Variants in XIRP2 observed in about 807,000 individuals in gnomAD.
XIRP2 encodes the protein xin actin-binding repeat-containing protein 2.
A neutral mutation model predicts 277.0 loss-of-function variants in XIRP2; 236 were observed. The observed-to-expected ratio is 0.85, with a 90% confidence interval of 0.77 to 0.95. The LOEUF is 0.95. XIRP2 is among the 40% of genes least tolerant of loss of function. The pLI is 0.00. For synonymous variants in XIRP2, 1,490 were observed against 1,416.5 expected, an observed-to-expected ratio of 1.05 and a Z score of -1.17; for missense variants, 4,640 against 4,157.5, an observed-to-expected ratio of 1.12 and a Z score of -3.19.
intron 2 of XIRP2, among the ~76,000 whole-genome samples, chr2:166,954,380 G>A (rs995637512): frequency 3.3e-5 from 5 of 151,718 alleles, no homozygotes; most frequent in African/African-American, 7.3e-5. Context: ...ACCATCTCAC[G>A]CCAGTCAGAA....
rs779906727 is a variant in XIRP2, at chr2:167,250,341, C to A, written c.8949C>A (p.Ile2983=). Residue 2983 remains isoleucine (I), a synonymous_variant, in exon 9 of 11, where the codon ATC becomes ATA. Coordinates refer to ENST00000409195, the MANE Select transcript of XIRP2 (RefSeq NM_152381.6). The part of the protein sequence containing the change: ...LKTFQTLLNT[I]PGWLISEDKR... ...CATTTCAGACACTATTAAATACTAT[C>A]CCAGGATGGCTGATAAGTGAAGATA... 10 of 1,613,524 alleles carry A rather than the reference C, an allele frequency of 6.2e-6. No homozygotes were observed. Among genetic ancestry groups the A allele is most frequent in the East Asian group, 2.2e-5 (1 of 44,812 alleles).
chr2:167,250,918 A>G lies in XIRP2; in HGVS notation c.9526A>G (p.Arg3176Gly), dbSNP rs370725971. The G allele has an allele frequency of 6.2e-6, 10 of 1,613,436 alleles. No individual in the cohort carries two copies. Among genetic ancestry groups the G allele is most frequent in the African/African-American group, 5.3e-5 (4 of 74,894 alleles). ...AGCAAACACTTCCCCTTCTCCACCC[A>G]GGAGTCGCTCTGAACAACTTGTCAG... ...HRANTSPSPP[R>G]SRSEQLVRLK... Residue 3176 changes from arginine to glycine, a missense_variant, in exon 9 of 11, where the codon AGG becomes GGG. Physicochemically the swap from Arg to Gly is moderately radical, Grantham distance 125. Transcript: ENST00000409195.
intron 2 of XIRP2, among the ~76,000 whole-genome samples, chr2:167,024,091 T>C: frequency 6.7e-6 from 1 of 148,396 alleles, no homozygotes; most frequent in Non-Finnish European, 1.5e-5. Context: ...CCCATGAGCA[T>C]GGAATGTTCT....
intron 2 of XIRP2, among the ~76,000 whole-genome samples, chr2:167,042,623 T>C (rs1368547380): frequency 6.6e-6 from 1 of 152,158 alleles, no homozygotes; most frequent in Admixed American, 6.5e-5. Context: ...GGGCATTATA[T>C]AATAATGAAG....
chr2:167,257,119 T>G (rs1008285915), intron 10 of XIRP2, among the ~76,000 whole-genome samples: 6 of 151,958 alleles, frequency 3.9e-5, no homozygotes, highest in African/African-American at 1.4e-4. Flanking sequence ...TTTTGTGGTC[T>G]CATATTTTCA....
At chr2:166,940,607 C>T (rs148692963) in intron 2 of XIRP2, among the ~76,000 whole-genome samples, 11,317 of 152,126 alleles carry the variant, frequency 0.074, 962 homozygotes, top group East Asian at 0.47. Context: ...ATGGTGGTGG[C>T]GTACAGATGG....
At chr2:167,038,578 A>G (rs528750045) in intron 2 of XIRP2, among the ~76,000 whole-genome samples, 1 of 151,874 alleles carries the variant, frequency 6.6e-6, no homozygotes, top group South Asian at 2.1e-4. Context: ...ACATATAATA[A>G]TTAGAAAATT....
At chr2:167,126,636 A>T (rs1179983857) in intron 2 of XIRP2, among the ~76,000 whole-genome samples, 1 of 152,152 alleles carries the variant, frequency 6.6e-6, no homozygotes, top group Non-Finnish European at 1.5e-5. Flanking sequence ...GCTCCAAATT[A>T]GATCTTCTGG....
At chr2:166,939,868 C>T (rs959277698) in intron 2 of XIRP2, among the ~76,000 whole-genome samples, 1 of 152,088 alleles carries the variant, frequency 6.6e-6, no homozygotes, top group African/African-American at 2.4e-5. Context: ...TTCTCTCTGC[C>T]TGCCCTTCAC....
chr2:166,904,175 A>G (rs1299008515), intron 2 of XIRP2, among the ~76,000 whole-genome samples: 1 of 152,186 alleles, frequency 6.6e-6, no homozygotes, highest in African/African-American at 2.4e-5. Context: ...ACTACGTTGT[A>G]AATTCCTTAG....
rs533814780 is a variant in XIRP2, at chr2:167,103,080, A to G, written c.409-32829A>G. Among the ~76,000 whole-genome samples the G allele has an allele frequency of 2.1e-3, 314 of 152,244 alleles. 1 individual carries two copies. The highest frequency in any genetic ancestry group is 7.1e-3 in the African/African-American group (295 of 41,538). ...CTTGAGCCTGGGAGGTTGAGACTAC[A>G]GTCAGTTCAGATCGCGCCACTACAC... On this transcript the variant is annotated intron_variant, in intron 2 of 10. Coordinates refer to ENST00000409195, the MANE Select transcript of XIRP2 (RefSeq NM_152381.6).
intron 2 of XIRP2, among the ~76,000 whole-genome samples, chr2:166,959,788 A>G (rs1686255801): frequency 6.6e-6 from 1 of 151,726 alleles, no homozygotes; most frequent in Admixed American, 6.6e-5. Flanking sequence ...TTCAGAGGTT[A>G]AACATCTTCT....
chr2:166,930,509 G>A (rs1260961924), intron 2 of XIRP2, among the ~76,000 whole-genome samples: 1 of 152,068 alleles, frequency 6.6e-6, no homozygotes, highest in African/African-American at 2.4e-5. Flanking sequence ...ACTCATAATA[G>A]GTGCTCAATA....
intron 2 of XIRP2, among the ~76,000 whole-genome samples, chr2:167,115,805 G>A (rs1447627288): frequency 6.6e-6 from 1 of 152,192 alleles, no homozygotes; most frequent in East Asian, 1.9e-4. Flanking sequence ...ACAGAGTTCA[G>A]ACAGAAGCAG....
chr2:167,019,757 T>C (rs1047922340), intron 2 of XIRP2, among the ~76,000 whole-genome samples: 4 of 152,052 alleles, frequency 2.6e-5, no homozygotes, highest in Admixed American at 6.6e-5. Flanking sequence ...ATAAGACATT[T>C]AGCAAAAATA....
intron 2 of XIRP2, among the ~76,000 whole-genome samples, chr2:166,920,731 C>T (rs1431189465): frequency 2.6e-5 from 4 of 152,086 alleles, no homozygotes; most frequent in African/African-American, 9.7e-5. Context: ...GTACTAAACA[C>T]TTTACTGACA....
chr2:167,175,306 CT>C (rs1406911827), intron 3 of XIRP2, among the ~76,000 whole-genome samples: 1 of 152,120 alleles, frequency 6.6e-6, no homozygotes, highest in Non-Finnish European at 1.5e-5. Flanking sequence ...GAATTGATCC[CT>C]TTACCATTAT....
intron 3 of XIRP2, 48 bp downstream of exon 3, chr2:167,136,110 A>G: frequency 4.1e-6 from 6 of 1,468,530 alleles, no homozygotes; most frequent in Non-Finnish European, 5.4e-6. Flanking sequence ...ACCTTGTACA[A>G]CATGAGTGGT....
chr2:166,945,125 G>A (rs996004399), intron 2 of XIRP2, among the ~76,000 whole-genome samples: 1 of 152,102 alleles, frequency 6.6e-6, no homozygotes, highest in South Asian at 2.1e-4. Flanking sequence ...ACCTCAAGTG[G>A]TAGAATATTG....
Sources: gnomAD v4.1 joint callset for allele counts (sites outside exome capture counted in the v4.1 genomes callset) on GRCh38, gnomAD v4.1.1 for gene constraint, MANE v1.5 for transcripts, NCBI Gene and HGNC (gene_info 2026-07-23, HGNC 2026-07-21) for gene names.